Variants in EDEM3 observed in about 807,000 individuals in gnomAD.
EDEM3 encodes ER degradation enhancing alpha-mannosidase like protein 3.
In EDEM3, 60 loss-of-function variants were observed where a neutral mutation model predicts 110.2. The observed-to-expected ratio is 0.54, with a 90% CI of 0.44 to 0.67. EDEM3 has a LOEUF of 0.67. Ranked by LOEUF, EDEM3 falls within the 30% of genes least tolerant of loss-of-function variation. The probability of loss-of-function intolerance (pLI) is 0.00; values close to 1 mark genes in which losing one functional copy is unlikely to be tolerated. For synonymous variants in EDEM3, 352 were observed against 382.9 expected (o/e 0.92, Z 0.94); for missense variants, 996 against 1,121.0 (o/e 0.89, Z 1.59).
chr1:184,696,374 C>G (rs1378713757), intron 19 of EDEM3, among the ~76,000 whole-genome samples: 1 of 151,916 alleles, frequency 6.6e-6, no homozygotes, highest in African/African-American at 2.4e-5. Context: ...TTTTGTATGG[C>G]TCCTGTGCAC....
intron 12 of EDEM3, 61 bp from the exon 13 acceptor site, chr1:184,717,073 C>A: frequency 7.3e-7 from 1 of 1,365,752 alleles, no homozygotes; most frequent in Admixed American, 1.9e-5. Flanking sequence ...CATATCCATT[C>A]ATTTACCAAA....
chr1:184,741,998 C>T (rs76464540), intron 2 of EDEM3, among the ~76,000 whole-genome samples: 2,046 of 152,158 alleles, frequency 0.013, 44 homozygotes, highest in East Asian at 0.051. Context: ...CCATATGATT[C>T]TTAGTTCTTG....
At chr1:184,722,193 A>C (rs1306660294) in intron 8 of EDEM3, among the ~76,000 whole-genome samples, 3 of 152,000 alleles carry the variant, frequency 2.0e-5, no homozygotes, top group Non-Finnish European at 1.5e-5. Context: ...TCGTCTTTTT[A>C]CCCATATTTA....
intron 14 of EDEM3, among the ~76,000 whole-genome samples, chr1:184,712,155 T>C (rs1650282912): frequency 6.6e-6 from 1 of 152,004 alleles, no homozygotes; most frequent in African/African-American, 2.4e-5. Context: ...CTCAATCTCC[T>C]GACCTTGTGA....
At chr1:184,753,062 G>A (rs943626976) in intron 1 of EDEM3, among the ~76,000 whole-genome samples, 7 of 152,048 alleles carry the variant, frequency 4.6e-5, no homozygotes, top group Non-Finnish European at 7.4e-5. Flanking sequence ...TCCATCAAGT[G>A]ACCTTTATTG....
chr1:184,728,851 G>A (rs1386456687), intron 6 of EDEM3, among the ~76,000 whole-genome samples: 1 of 152,088 alleles, frequency 6.6e-6, no homozygotes, highest in Non-Finnish European at 1.5e-5. Flanking sequence ...CTCGTGATCC[G>A]CCCGACTTGG....
At chr1:184,735,943 C>A (rs1400323199) in intron 4 of EDEM3, among the ~76,000 whole-genome samples, 1 of 152,176 alleles carries the variant, frequency 6.6e-6, no homozygotes, top group East Asian at 1.9e-4. Context: ...CATATGTTTT[C>A]TTTAAGGCCA....
At chr1:184,699,992 C>T (rs918718745) in intron 19 of EDEM3, among the ~76,000 whole-genome samples, 4 of 151,822 alleles carry the variant, frequency 2.6e-5, no homozygotes, top group Non-Finnish European at 4.4e-5. Flanking sequence ...AATTAAGTAC[C>T]TTTACAAACT....
chr1:184,749,441 T>C (rs1652625132), intron 2 of EDEM3, 106 bp downstream of exon 2: 3 of 931,778 alleles, frequency 3.2e-6, no homozygotes, highest in East Asian at 3.0e-5. Flanking sequence ...AAAAACTTCC[T>C]TTTAAAAAAT....
rs116196120 is a variant in EDEM3, at chr1:184,748,169, G to A, written c.204+1378C>T. On this transcript the variant is annotated intron_variant, in intron 2 of 19. Coordinates refer to ENST00000318130, the MANE Select transcript of EDEM3 (RefSeq NM_025191.4). ...AAAAAAATTAATTAAAAAACAGAAC[G>A]GGTGTAATGGCTCACACCTGTAATC... is the stretch of plus-strand genomic sequence containing the variant. 6.8e-3 allele frequency among the ~76,000 whole-genome samples: 1,031 copies of A among 152,192 alleles called. 17 individuals carry two copies. The highest frequency in any genetic ancestry group is 0.024 in the African/African-American group (992 of 41,506).
At position 184,719,204 on chromosome 1, in the gene EDEM3, T is replaced by C; in HGVS notation, c.1119A>G (p.Glu373=). 6.4e-7 allele frequency: 1 copy of C among 1,574,702 alleles called. No individual in the cohort carries two copies. The highest frequency in any genetic ancestry group is 8.6e-7 in the Non-Finnish European group (1 of 1,164,790). ...GDIRPAIETH[E]MLYQVIKKHN... ...GTTTTTTAATCACCTGATATAACAT[T>C]TCATGAGTTTCAATAGCAGGTCTAA... Residue 373 remains glutamate, a synonymous_variant, in exon 11 of 20, where the codon GAA becomes GAG. Coordinates refer to ENST00000318130, the MANE Select transcript of EDEM3 (RefSeq NM_025191.4).
intron 2 of EDEM3, among the ~76,000 whole-genome samples, chr1:184,742,113 A>C (rs1277508202): frequency 6.6e-6 from 1 of 152,206 alleles, no homozygotes; most frequent in African/African-American, 2.4e-5. Flanking sequence ...GCAGAAATAC[A>C]GACTAGTGGC....
rs1380369877 is a variant in EDEM3, at chr1:184,690,569, C to T, written c.*3494G>A. ...TTATAATCAAATACATAATTATATACAGGATTATATACATTTTGCCCAGAC... is the reference window on the plus strand; with the variant it reads ...TTATAATCAAATACATAATTATATATAGGATTATATACATTTTGCCCAGAC... On this transcript the variant is annotated 3_prime_UTR_variant, in exon 20 of 20. Coordinates refer to ENST00000318130, the MANE Select transcript of EDEM3 (RefSeq NM_025191.4). 3.3e-5 allele frequency: 5 copies of T among 152,376 alleles called. No individual in the cohort carries two copies. Among genetic ancestry groups the T allele is most frequent in the Non-Finnish European group, 7.4e-5 (5 of 67,988 alleles). 9.4% of individuals were successfully genotyped at this position (152,376 alleles called of 1,614,324 possible). A position where few individuals can be genotyped will look rare whatever the true frequency, so the allele number is the denominator to read the frequency against.
At chr1:184,723,883 A>AAG in intron 7 of EDEM3, 27 bp from the exon 8 acceptor site, 1 of 1,489,630 alleles carries the variant, frequency 6.7e-7, no homozygotes, top group Non-Finnish European at 9.0e-7. Context: ...AAAAAAAAAA[A>AAG]AAGAAGTGCA....
intron 6 of EDEM3, among the ~76,000 whole-genome samples, chr1:184,728,452 G>C (rs942299205): frequency 6.6e-6 from 1 of 151,992 alleles, no homozygotes; most frequent in Non-Finnish European, 1.5e-5. Context: ...GAGCGTTTTA[G>C]TACAATAATA....
At chr1:184,744,271 T>C (rs992820862) in intron 2 of EDEM3, among the ~76,000 whole-genome samples, 3 of 118,742 alleles carry the variant, frequency 2.5e-5, no homozygotes, top group Non-Finnish European at 5.4e-5. Context: ...TATATATATA[T>C]ATATATATAT....
At position 184,702,824 on chromosome 1, in the gene EDEM3, T is replaced by C. The variant is rs114249880; in HGVS notation, c.2376A>G (p.Lys792=). The C allele has an allele frequency of 2.9e-3, 4,681 of 1,597,832 alleles. 40 individuals are homozygous for C. The highest frequency in any genetic ancestry group is 0.026 in the East Asian group (1,130 of 43,836). ...YEEVEVLLSD[K]AKDRDPEMEN... ...TTTTACTCTTACCTCGATCTTTTGCTTTATCAGAGAGGAGCACTTCTACCT... is the reference window on the plus strand; with the variant it reads ...TTTTACTCTTACCTCGATCTTTTGCCTTATCAGAGAGGAGCACTTCTACCT... Residue 792 remains lysine, a synonymous_variant, in exon 19 of 20, where the codon AAA becomes AAG. Transcript: ENST00000318130.
At position 184,710,517 on chromosome 1, in the gene EDEM3, G is replaced by C. The variant is rs569095375; in HGVS notation, c.1722C>G (p.Pro574=). The change falls in exon 16 of 20, where the codon CCC becomes CCG. Residue 574 remains proline (P), a synonymous_variant. Coordinates refer to ENST00000318130, the MANE Select transcript of EDEM3 (RefSeq NM_025191.4). Reference sequence around the variant, plus strand: ...CCATGAAATCTCTGGCTCTCAGAGGGGGTTTAGCTCCACTCCTGAAACTCT... The same window carrying C: ...CCATGAAATCTCTGGCTCTCAGAGGCGGTTTAGCTCCACTCCTGAAACTCT... The part of the protein sequence containing the change: ...VEESFRSGAK[P]PLRARDFMAT... 1.9e-6 allele frequency: 3 copies of C among 1,613,666 alleles called. No individual in the cohort carries two copies. The Admixed American group carries it at 5.0e-5, about 27-fold the overall frequency.
chr1:184,747,574 C>CATTT (rs1652500881), intron 2 of EDEM3, among the ~76,000 whole-genome samples: 1 of 152,160 alleles, frequency 6.6e-6, no homozygotes, highest in African/African-American at 2.4e-5. Context: ...AATAGTTGAA[C>CATTT]ATTTTAAAAT....
Sources: gnomAD v4.1 joint callset for allele counts (sites outside exome capture counted in the v4.1 genomes callset) on GRCh38, gnomAD v4.1.1 for gene constraint, MANE v1.5 for transcripts, NCBI Gene and HGNC (gene_info 2026-07-23, HGNC 2026-07-21) for gene names.